Variants in CPA6 observed in about 807,000 individuals in gnomAD.
CPA6 encodes the protein carboxypeptidase A6.
In CPA6, 58 loss-of-function variants were observed where a neutral mutation model predicts 63.3. The ratio of observed to expected loss-of-function variants is 0.92; its 90% CI spans 0.74 to 1.14. The LOEUF is 1.14. Among genes scored for constraint, CPA6 ranks in the 50% most tolerant of loss-of-function variants. The pLI is 0.00. For missense variants in CPA6, 565 were observed against 526.6 expected, an observed-to-expected ratio of 1.07 and a Z score of -0.71; for synonymous variants, 185 against 179.0, an observed-to-expected ratio of 1.03 and a Z score of -0.27.
At chr8:67,658,753 C>A (rs1286224918) in intron 1 of CPA6, among the ~76,000 whole-genome samples, 1 of 152,122 alleles carries the variant, frequency 6.6e-6, no homozygotes, top group East Asian at 1.9e-4. Flanking sequence ...AAATCCAGAC[C>A]CCTAAGCCAG....
At chr8:67,727,018 C>G (rs1193989436) in intron 1 of CPA6, among the ~76,000 whole-genome samples, 2 of 152,168 alleles carry the variant, frequency 1.3e-5, no homozygotes, top group Non-Finnish European at 2.9e-5. Context: ...AGCTGCAATT[C>G]TTGCTATAGG....
chr8:67,608,413 G>A (rs1003329196), intron 2 of CPA6, among the ~76,000 whole-genome samples: 4 of 152,168 alleles, frequency 2.6e-5, no homozygotes, highest in African/African-American at 9.7e-5. Context: ...AATGGTCATA[G>A]AGGAGATTGG....
chr8:67,550,795 T>A (rs768774360), intron 2 of CPA6, among the ~76,000 whole-genome samples: 1 of 152,170 alleles, frequency 6.6e-6, no homozygotes, highest in Non-Finnish European at 1.5e-5. Context: ...ACTAGTGATG[T>A]GGAGCATTTT....
intron 2 of CPA6, among the ~76,000 whole-genome samples, chr8:67,520,099 A>AT (rs1217336840): frequency 4.6e-5 from 7 of 152,092 alleles, no homozygotes; most frequent in African/African-American, 1.2e-4. Context: ...ACAGAGGCAG[A>AT]TTTTTTTATA....
chr8:67,434,076 A>T lies in CPA6; in HGVS notation c.1003T>A (p.Ser335Thr), dbSNP rs1029891045. The T allele has an allele frequency of 6.2e-7, 1 of 1,613,608 alleles. No individual in the cohort carries two copies. The highest frequency in any genetic ancestry group is 1.3e-5 in the African/African-American group (1 of 75,036). Residue 335 changes from serine (S) to threonine (T), a missense_variant, in exon 9 of 11, where the codon TCT becomes ACT. Ser to Thr is a moderately conservative substitution (Grantham distance 58). Coordinates refer to ENST00000297770, the MANE Select transcript of CPA6 (RefSeq NM_020361.5). ...TTGGGAATTGTTGCATATTTGTAAG[A>T]ATAGGGATACAGTAACATCTGAGCA... ...AYAQMLLYPY[S>T]YKYATIPNFR...
rs565518023 is a variant in CPA6 at position 67,495,403 on chromosome 8, C to A, written c.637-10614G>T. 2.0e-5 allele frequency among the ~76,000 whole-genome samples: 3 copies of A among 152,248 alleles called. No individual in the cohort carries two copies. The East Asian group carries it at 5.8e-4, about 29-fold the overall frequency. On this transcript the variant is annotated intron_variant, in intron 6 of 10. Coordinates refer to ENST00000297770, the MANE Select transcript of CPA6 (RefSeq NM_020361.5). ...TGTGCACTGTAGGACAGTACTTGTGCCATTACAGGACTTAGCATGCTGCCT... is the reference window on the plus strand; with the variant it reads ...TGTGCACTGTAGGACAGTACTTGTGACATTACAGGACTTAGCATGCTGCCT...
At chr8:67,637,630 C>G (rs758444875) in intron 1 of CPA6, among the ~76,000 whole-genome samples, 2 of 151,276 alleles carry the variant, frequency 1.3e-5, no homozygotes, top group African/African-American at 2.5e-5. Flanking sequence ...AGTTACAAAG[C>G]ATAGGGGAAA....
At chr8:67,461,198 G>C (rs1397055667) in intron 8 of CPA6, among the ~76,000 whole-genome samples, 1 of 143,546 alleles carries the variant, frequency 7.0e-6, no homozygotes, top group Non-Finnish European at 1.5e-5. Flanking sequence ...CCTAGGCAGA[G>C]GACCCTGCGG....
At chr8:67,693,791 T>A (rs1816859867) in intron 1 of CPA6, among the ~76,000 whole-genome samples, 1 of 152,168 alleles carries the variant, frequency 6.6e-6, no homozygotes, top group East Asian at 1.9e-4. Flanking sequence ...AAAGATAGTT[T>A]GTTATAGCAG....
intron 1 of CPA6, among the ~76,000 whole-genome samples, chr8:67,662,270 C>A (rs541678636): frequency 7.2e-5 from 11 of 152,118 alleles, no homozygotes; most frequent in African/African-American, 2.7e-4. Context: ...TGACAAGAAA[C>A]CTACAGTCTC....
intron 1 of CPA6, among the ~76,000 whole-genome samples, chr8:67,684,003 A>G (rs867066590): frequency 3.8e-3 from 98 of 25,970 alleles, no homozygotes; most frequent in African/African-American, 0.013. Flanking sequence ...TTTAAAATGT[A>G]TATATATATA....
In CPA6 at chr8:67,560,627, G is replaced by A. The variant is rs528060216; in HGVS notation, c.193-42580C>T. Reference sequence around the variant, plus strand: ...CTTCCTTCTAGAAGTGGCTGGAAAAGGGGGGAAAGGGTTGAATTGGAGGAA... The same window carrying A: ...CTTCCTTCTAGAAGTGGCTGGAAAAAGGGGGAAAGGGTTGAATTGGAGGAA... On this transcript the variant is annotated intron_variant, in intron 2 of 10. Coordinates refer to ENST00000297770, the MANE Select transcript of CPA6 (RefSeq NM_020361.5). Among the ~76,000 whole-genome samples, 18 of 152,220 alleles carry A rather than the reference G, an allele frequency of 1.2e-4. No homozygotes were observed. In the East Asian group the frequency reaches 2.3e-3, roughly 20 times the overall value.
At chr8:67,656,397 G>C (rs1032996700) in intron 1 of CPA6, among the ~76,000 whole-genome samples, 1 of 152,078 alleles carries the variant, frequency 6.6e-6, no homozygotes, top group Non-Finnish European at 1.5e-5. Flanking sequence ...AATGTTACAG[G>C]GCAGGAAACA....
At chr8:67,426,200 C>T (rs1015314409) in intron 10 of CPA6, among the ~76,000 whole-genome samples, 1 of 152,188 alleles carries the variant, frequency 6.6e-6, no homozygotes, top group Non-Finnish European at 1.5e-5. Flanking sequence ...AACTCCTGAC[C>T]TCAGATGATC....
At position 67,531,475 on chromosome 8, in the gene CPA6, C is replaced by T. The variant is rs553725818; in HGVS notation, c.193-13428G>A. On this transcript the variant is annotated intron_variant, in intron 2 of 10. Transcript: ENST00000297770. ...TGCAGCTATATTAATAGCAGCAAAA[C>T]GTTAGGGCAAAACCATTTTTAAGAA... is the stretch of plus-strand genomic sequence containing the variant. Among the ~76,000 whole-genome samples, 11 of 151,996 alleles carry T rather than the reference C, an allele frequency of 7.2e-5. No homozygotes were observed. The East Asian group carries it at 1.4e-3, about 19-fold the overall frequency.
At chr8:67,608,618 G>T (rs1002969487) in intron 2 of CPA6, among the ~76,000 whole-genome samples, 1 of 152,132 alleles carries the variant, frequency 6.6e-6, no homozygotes, top group African/African-American at 2.4e-5. Flanking sequence ...GGTATAAAAA[G>T]CTGTCACCCT....
At chr8:67,498,520 A>T (rs1811767345) in intron 6 of CPA6, among the ~76,000 whole-genome samples, 1 of 136,352 alleles carries the variant, frequency 7.3e-6, no homozygotes, top group African/African-American at 2.8e-5. Context: ...TGGGTGACAG[A>T]GCGAGACTCC....
At chr8:67,624,098 T>C in intron 2 of CPA6, 78 bp downstream of exon 2, 4 of 813,664 alleles carry the variant, frequency 4.9e-6, no homozygotes, top group Non-Finnish European at 8.3e-6. Context: ...AAATTCCAAT[T>C]ATTCAACTCC....
rs192640163 is a variant in CPA6, at chr8:67,540,033, G to T, written c.193-21986C>A. Among the ~76,000 whole-genome samples the T allele has an allele frequency of 9.5e-3, 1,444 of 152,198 alleles. 23 individuals are homozygous for T. The highest frequency in any genetic ancestry group is 0.033 in the African/African-American group (1,362 of 41,512). ...TCAGACTCATTCTCCATCCAGTTTT[G>T]TTCCCTTGCTGGTGAGGAGTTGTGA... On this transcript the variant is annotated intron_variant, in intron 2 of 10. Coordinates refer to ENST00000297770, the MANE Select transcript of CPA6 (RefSeq NM_020361.5).
Sources: allele counts gnomAD v4.1 joint callset (sites outside exome capture counted in the v4.1 genomes callset), GRCh38; gene constraint gnomAD v4.1.1; transcripts MANE v1.5; gene names NCBI Gene and HGNC (gene_info 2026-07-23, HGNC 2026-07-21).